The following ABCB1 variants were observed in gnomAD, a reference collection of about 807,000 sequenced individuals.
ABCB1 encodes ATP binding cassette subfamily B member 1.
In ABCB1, 69 loss-of-function variants were observed where a neutral mutation model predicts 142.0. That is an observed-to-expected ratio of 0.49 (90% confidence interval 0.40 to 0.59). The LOEUF is 0.59. Among genes scored for constraint, ABCB1 ranks in the 20% least tolerant of loss-of-function variants. The pLI is 0.00. For missense variants in ABCB1, 1,326 were observed against 1,554.7 expected (o/e 0.85, Z 2.47); for synonymous variants, 532 against 539.2 (o/e 0.99, Z 0.18).
upstream of ABCB1, among the ~76,000 whole-genome samples, chr7:87,601,939 TC>T (rs1819471132): frequency 6.6e-6 from 1 of 152,266 alleles, no homozygotes; most frequent in African/African-American, 2.4e-5. Context: ...ATTTTCCTTA[TC>T]TTGATATATT....
intron 1 of ABCB1, chr7:87,628,938 G>A: frequency 7.6e-7 from 1 of 1,310,060 alleles, no homozygotes; most frequent in Non-Finnish European, 9.8e-7. Context: ...CCTGATCACC[G>A]TGTGCAGGTA....
chr7:87,516,731 C>CTTT lies in ABCB1; in HGVS notation c.2928-69_2928-67dup, dbSNP rs546527484. On this transcript the variant is annotated intron_variant, in intron 23 of 27. Coordinates refer to ENST00000622132, the MANE Select transcript of ABCB1 (RefSeq NM_001348946.2). ...TCACAATGCTAGAAAGCTGACACTC[C>CTTT]TTTTTTTTTTTTTTTTTTTTTTTGA... 3.7e-3 allele frequency: 2,984 copies of CTTT among 801,544 alleles called. 6 individuals are homozygous for CTTT. Among genetic ancestry groups the CTTT allele is most frequent in the East Asian group, 0.022 (442 of 20,064 alleles). The allele number at this position is 801,544 out of a possible 1,614,324, so 49.7% of individuals were successfully genotyped here.
At chr7:87,596,524 T>G (rs955593938) in intron 2 of ABCB1, among the ~76,000 whole-genome samples, 5 of 152,096 alleles carry the variant, frequency 3.3e-5, no homozygotes, top group African/African-American at 1.2e-4. Context: ...TGAATCTAAC[T>G]CTGTAGCCCA....
At chr7:87,582,985 A>G (rs1040188539) in intron 4 of ABCB1, among the ~76,000 whole-genome samples, 11 of 152,252 alleles carry the variant, frequency 7.2e-5, no homozygotes, top group Non-Finnish European at 1.6e-4. Context: ...GATTATTCAC[A>G]TCATATAATA....
At position 87,635,710 on chromosome 7, in the gene ABCB1, A is replaced by T. The variant is rs546416437; in HGVS notation, c.-330-34632T>A. Among the ~76,000 whole-genome samples the T allele has an allele frequency of 3.9e-5, 6 of 152,228 alleles. No homozygotes were observed. In the East Asian group the frequency reaches 1.2e-3, roughly 29 times the overall value. ...TTTTGTGGTAGGGCACAATGTTGTA[A>T]CTAGCACCCAAGTCAAGAGAAAGAA... On this transcript the variant is annotated intron_variant, in intron 1 of 28. Transcript: ENST00000265724.
At chr7:87,594,419 T>C (rs1420846017) in intron 3 of ABCB1, among the ~76,000 whole-genome samples, 1 of 152,218 alleles carries the variant, frequency 6.6e-6, no homozygotes, top group African/African-American at 2.4e-5. Context: ...TTTATTCTTT[T>C]GTGCCTTAAA....
At chr7:87,540,970 G>A (rs1461619589) in intron 18 of ABCB1, among the ~76,000 whole-genome samples, 2 of 152,086 alleles carry the variant, frequency 1.3e-5, no homozygotes, top group African/African-American at 2.4e-5. Flanking sequence ...ATGGGGTTTT[G>A]TTTGTTTGTT....
intron 1 of ABCB1, among the ~76,000 whole-genome samples, chr7:87,614,008 A>T (rs150846646): frequency 4.5e-4 from 69 of 152,266 alleles, no homozygotes; most frequent in African/African-American, 1.6e-3. Flanking sequence ...TAGTTTTATG[A>T]TAATATTTAA....
At position 87,550,479 on chromosome 7, in the gene ABCB1, T is replaced by G; in HGVS notation, c.1213A>C (p.Lys405Gln). The G allele has an allele frequency of 6.2e-7, 1 of 1,612,888 alleles. No homozygotes were observed. Among genetic ancestry groups the G allele is most frequent in the Non-Finnish European group, 8.5e-7 (1 of 1,179,738 alleles). ...ATTTATCACTGTACCTTAACTTCTT[T>G]TCGAGATGGGTAACTGAAGTGAACA... is the stretch of plus-strand genomic sequence containing the variant. The part of the protein sequence containing the change: ...RNVHFSYPSR[K>Q]EVKILKGLNL... The change falls in exon 11 of 28, where the codon AAA (lysine) becomes CAA (glutamine). Residue 405 changes from lysine (K) to glutamine (Q), a missense_variant. Transcript: ENST00000622132.
intron 1 of ABCB1, among the ~76,000 whole-genome samples, chr7:87,702,580 C>T (rs1312482628): frequency 6.6e-6 from 1 of 152,058 alleles, no homozygotes; most frequent in African/African-American, 2.4e-5. Context: ...ATGACCAACT[C>T]ATTATTTTTG....
At chr7:87,520,998 C>A in intron 21 of ABCB1, 122 bp from the exon 22 acceptor site, 1 of 764,664 alleles carries the variant, frequency 1.3e-6, no homozygotes, top group South Asian at 1.5e-5. Flanking sequence ...TATGTATGAG[C>A]ATTTTCTCTG....
chr7:87,504,358 A>C lies in ABCB1; in HGVS notation c.3728T>G (p.Ile1243Arg), dbSNP rs1441356731. 6.2e-7 allele frequency: 1 copy of C among 1,613,982 alleles called. No homozygotes were observed. The change falls in exon 28 of 28, where the codon ATA (isoleucine) becomes AGA (arginine). Residue 1243 changes from isoleucine to arginine, a missense_variant. Physicochemically the swap from Ile to Arg is moderately conservative, Grantham distance 97 (BLOSUM62 -3). Transcript: ENST00000622132. ...GACTCTGCCATTCTGAAACACCACT[A>C]TTAAGTCTGCATTCTGGATGGTGGA... ...RLSTIQNADL[I>R]VVFQNGRVKE...
In ABCB1 at chr7:87,541,409, G is replaced by A; in HGVS notation, c.2267C>T (p.Ser756Leu). The change falls in exon 18 of 28, where the codon TCA becomes TTA. Residue 756 changes from serine (S) to leucine (L), a missense_variant. By Grantham distance (145) the Ser-to-Leu change is moderately radical. Coordinates refer to ENST00000622132, the MANE Select transcript of ABCB1 (RefSeq NM_001348946.2). Reference protein sequence around the residue: ...ETKRQNSNLFSLLFLALGIIS... With the variant: ...ETKRQNSNLFLLLFLALGIIS... ...AATTCCAAGGGCTAGAAACAATAGTGAAAACAAGTTACTATTCTGTCGTTT... is the reference window on the plus strand; with the variant it reads ...AATTCCAAGGGCTAGAAACAATAGTAAAAACAAGTTACTATTCTGTCGTTT... 6.2e-7 allele frequency: 1 copy of A among 1,609,466 alleles called. No individual in the cohort carries two copies. Among genetic ancestry groups the A allele is most frequent in the East Asian group, 2.2e-5 (1 of 44,844 alleles).
chr7:87,644,235 A>G (rs1822754672), intron 1 of ABCB1, among the ~76,000 whole-genome samples: 1 of 152,166 alleles, frequency 6.6e-6, no homozygotes, highest in Admixed American at 6.5e-5. Context: ...CTTCCAGTGA[A>G]CAGATATCTC....
At chr7:87,541,755 T>C (rs970678021) in intron 17 of ABCB1, among the ~76,000 whole-genome samples, 2 of 152,220 alleles carry the variant, frequency 1.3e-5, no homozygotes, top group South Asian at 2.1e-4. Flanking sequence ...GAACAAATAC[T>C]CTCCTCTTCC....
intron 1 of ABCB1, among the ~76,000 whole-genome samples, chr7:87,642,592 T>G (rs1290073086): frequency 2.6e-5 from 4 of 152,016 alleles, no homozygotes; most frequent in Non-Finnish European, 4.4e-5. Flanking sequence ...TTTAGATGAA[T>G]CTTTTTGGAA....
At chr7:87,520,399 G>A (rs2117097141) in intron 22 of ABCB1, among the ~76,000 whole-genome samples, 1 of 152,216 alleles carries the variant, frequency 6.6e-6, no homozygotes. Flanking sequence ...CAGAAAGACA[G>A]GTAAACCCAG....
intron 3 of ABCB1, among the ~76,000 whole-genome samples, chr7:87,586,278 C>T (rs908141749): frequency 2.0e-5 from 3 of 152,082 alleles, no homozygotes; most frequent in East Asian, 1.9e-4. Flanking sequence ...GAATGACCCA[C>T]GTTGGAGATC....
At chr7:87,555,032 C>G (rs1230433688) in intron 8 of ABCB1, among the ~76,000 whole-genome samples, 2 of 152,088 alleles carry the variant, frequency 1.3e-5, no homozygotes, top group African/African-American at 2.4e-5. Flanking sequence ...TTTTTAAACC[C>G]TCAGAGGGTG....
Sources: gnomAD v4.1 joint callset for allele counts (sites outside exome capture counted in the v4.1 genomes callset) on GRCh38, gnomAD v4.1.1 for gene constraint, MANE v1.5 for transcripts, NCBI Gene and HGNC (gene_info 2026-07-23, HGNC 2026-07-21) for gene names.